Variants in COL24A1 observed in about 807,000 individuals in gnomAD.
COL24A1 encodes the protein collagen type XXIV alpha 1 chain.
Under a neutral mutation model 253.9 loss-of-function variants are expected in COL24A1, and 224 were observed. That is an observed-to-expected ratio of 0.88 (90% CI 0.79 to 0.99). The LOEUF is 0.99. Among genes scored for constraint, COL24A1 ranks in the 50% least tolerant of loss-of-function variants. The pLI, the probability that COL24A1 is intolerant of heterozygous loss-of-function variation, is 0.00. For synonymous variants in COL24A1, 685 were observed against 673.7 expected, an observed-to-expected ratio of 1.02 and a Z score of -0.26; for missense variants, 2,131 against 2,068.5, an observed-to-expected ratio of 1.03 and a Z score of -0.59.
At position 85,900,693 on chromosome 1, in the gene COL24A1, T is replaced by C. The variant is rs144694542; in HGVS notation, c.2779-4284A>G. Among the ~76,000 whole-genome samples, 369 of 152,104 alleles carry C rather than the reference T, an allele frequency of 2.4e-3. 1 individual carries two copies. Among genetic ancestry groups the C allele is most frequent in the African/African-American group, 7.3e-3 (303 of 41,496 alleles). Reference sequence around the variant, plus strand: ...CAAAACTATAGTTACCAAAACAGCATGGTACTAGTATAAAAACAGACACAT... The same window carrying C: ...CAAAACTATAGTTACCAAAACAGCACGGTACTAGTATAAAAACAGACACAT... On this transcript the variant is annotated intron_variant, in intron 28 of 59. Coordinates refer to ENST00000370571, the MANE Select transcript of COL24A1 (RefSeq NM_152890.7).
intron 47 of COL24A1, among the ~76,000 whole-genome samples, chr1:85,806,035 C>T (rs1176530442): frequency 1.4e-5 from 2 of 147,076 alleles, no homozygotes; most frequent in African/African-American, 2.5e-5. Context: ...GAGATCGCGC[C>T]ACTGCACTCC....
chr1:86,004,612 T>C (rs1695759663), intron 19 of COL24A1, among the ~76,000 whole-genome samples: 1 of 152,128 alleles, frequency 6.6e-6, no homozygotes, highest in Non-Finnish European at 1.5e-5. Flanking sequence ...GGATGAACAT[T>C]TGGGTCTAAA....
At chr1:86,017,494 G>A (rs1697112940) in intron 18 of COL24A1, among the ~76,000 whole-genome samples, 1 of 152,168 alleles carries the variant, frequency 6.6e-6, no homozygotes, top group African/African-American at 2.4e-5. Flanking sequence ...GTTTCACAGA[G>A]ATAAGACAAT....
chr1:85,896,684 C>G (rs1019411306), intron 28 of COL24A1, among the ~76,000 whole-genome samples: 3 of 152,026 alleles, frequency 2.0e-5, no homozygotes, highest in African/African-American at 7.2e-5. Context: ...ATTTTTAGTA[C>G]AGACGGGGTT....
chr1:86,037,069 T>G (rs2101571677), intron 12 of COL24A1, among the ~76,000 whole-genome samples: 1 of 152,334 alleles, frequency 6.6e-6, no homozygotes, highest in South Asian at 2.1e-4. Context: ...TATAGTTCTC[T>G]TCTTCACATT....
intron 19 of COL24A1, among the ~76,000 whole-genome samples, chr1:85,988,840 A>G (rs1693973305): frequency 6.6e-6 from 1 of 152,152 alleles, no homozygotes; most frequent in South Asian, 2.1e-4. Flanking sequence ...TCAGATTTAA[A>G]GCTTGGATTC....
chr1:85,893,554 A>G (rs1683352310), intron 31 of COL24A1, among the ~76,000 whole-genome samples: 1 of 152,136 alleles, frequency 6.6e-6, no homozygotes, highest in Non-Finnish European at 1.5e-5. Flanking sequence ...TCCAGGCCTT[A>G]ACACCTTAAT....
chr1:85,761,977 T>C (rs1194279271), intron 53 of COL24A1, among the ~76,000 whole-genome samples: 2 of 152,168 alleles, frequency 1.3e-5, no homozygotes, highest in Non-Finnish European at 2.9e-5. Flanking sequence ...TCCTGTTGAG[T>C]TCACCTGAAA....
chr1:86,142,540 ACAAAAAAC>A, intron 2 of COL24A1, among the ~76,000 whole-genome samples: 1 of 149,774 alleles, frequency 6.7e-6, no homozygotes. Context: ...AAAACAAAAA[ACAAAAAAC>A]AAAAAAAACA....
intron 20 of COL24A1, among the ~76,000 whole-genome samples, chr1:85,973,923 C>A (rs1397628469): frequency 6.6e-6 from 1 of 151,976 alleles, no homozygotes; most frequent in African/African-American, 2.4e-5. Context: ...TTTACCAGCC[C>A]AAAAGAGCTG....
At chr1:86,013,730 G>A (rs560950061) in intron 19 of COL24A1, among the ~76,000 whole-genome samples, 2 of 152,226 alleles carry the variant, frequency 1.3e-5, no homozygotes, top group African/African-American at 4.8e-5. Context: ...CAGCTACTTG[G>A]GAGGCTGAGG....
chr1:86,033,920 A>G lies in COL24A1; in HGVS notation c.1954T>C (p.Phe652Leu). Residue 652 changes from phenylalanine to leucine, a missense_variant, in exon 13 of 60, where the codon TTT becomes CTT. Coordinates refer to ENST00000370571, the MANE Select transcript of COL24A1 (RefSeq NM_152890.7). ...GKKGFKGRQG[F>L]PGDFGDRGPA... The stretch of plus-strand genomic sequence containing the variant: ...CCTCTGTCTCCAAAGTCACCTGGAA[A>G]ACCCTGTCACAGGGAAAGAGGAAGA... 6.3e-7 allele frequency: 1 copy of G among 1,594,498 alleles called. No individual in the cohort carries two copies. Among genetic ancestry groups the G allele is most frequent in the Non-Finnish European group, 8.5e-7 (1 of 1,172,348 alleles).
intron 5 of COL24A1, among the ~76,000 whole-genome samples, chr1:86,106,937 A>G (rs1705038903): frequency 6.6e-6 from 1 of 152,202 alleles, no homozygotes; most frequent in South Asian, 2.1e-4. Flanking sequence ...TTGTTTAACA[A>G]TTTAACAACA....
intron 24 of COL24A1, among the ~76,000 whole-genome samples, chr1:85,919,078 G>A (rs1415502156): frequency 1.3e-5 from 2 of 151,926 alleles, no homozygotes; most frequent in Non-Finnish European, 2.9e-5. Context: ...CTTTTGCCAT[G>A]AGACTAAACA....
intron 28 of COL24A1, among the ~76,000 whole-genome samples, chr1:85,902,263 T>C (rs887233297): frequency 6.6e-6 from 1 of 152,204 alleles, no homozygotes; most frequent in East Asian, 1.9e-4. Flanking sequence ...GGCTACCTTC[T>C]CCATACCAGT....
chr1:85,857,099 C>T (rs1180314107), intron 37 of COL24A1, among the ~76,000 whole-genome samples: 2 of 152,020 alleles, frequency 1.3e-5, no homozygotes, highest in African/African-American at 4.8e-5. Flanking sequence ...AGAGAGAGAT[C>T]TTTTTTGCAA....
intron 7 of COL24A1, among the ~76,000 whole-genome samples, chr1:86,083,541 G>T (rs1190115990): frequency 2.0e-5 from 3 of 152,050 alleles, no homozygotes; most frequent in Non-Finnish European, 4.4e-5. Context: ...AACTTTCCTG[G>T]ATCTTTTGCC....
At chr1:86,032,006 TA>T in intron 13 of COL24A1, 84 bp from the exon 14 acceptor site, 1 of 1,056,592 alleles carries the variant, frequency 9.5e-7, no homozygotes, top group Non-Finnish European at 1.4e-6. Flanking sequence ...CAAAACTTTC[TA>T]GCTAAGAATA....
chr1:85,739,411 T>C (rs1664375880), intron 57 of COL24A1, among the ~76,000 whole-genome samples: 1 of 152,196 alleles, frequency 6.6e-6, no homozygotes, highest in African/African-American at 2.4e-5. Context: ...ATGACATATC[T>C]TTTGTGAGCC....
Sources: gnomAD v4.1 joint callset for allele counts (sites outside exome capture counted in the v4.1 genomes callset) on GRCh38, gnomAD v4.1.1 for gene constraint, MANE v1.5 for transcripts, NCBI Gene and HGNC (gene_info 2026-07-23, HGNC 2026-07-21) for gene names.